NPFFR2: variants seen among roughly 807,000 people sequenced by gnomAD.
NPFFR2 encodes neuropeptide FF receptor 2, also known as G-protein coupled receptor 74.
Under a neutral mutation model 13.1 loss-of-function variants are expected in NPFFR2, and 15 were observed. That is an observed-to-expected ratio of 1.15 (90% CI 0.77 to 1.76). NPFFR2 has a LOEUF of 1.76. Among genes scored for constraint, NPFFR2 ranks in the 40% most tolerant of loss-of-function variants. The pLI, the probability that NPFFR2 is intolerant of heterozygous loss-of-function variation, is 0.00. For missense variants in NPFFR2, 572 were observed against 503.5 expected (o/e 1.14, Z -1.30); for synonymous variants, 190 against 175.7 (o/e 1.08, Z -0.65).
rs902575653 is a variant in NPFFR2, at chr4:72,096,208, G to A, written c.-7-32377G>A. Among the ~76,000 whole-genome samples, 6 of 152,018 alleles carry A rather than the reference G, an allele frequency of 3.9e-5. 1 individual carries two copies. The highest frequency in any genetic ancestry group is 6.3e-3 in the Middle Eastern group (2 of 316). On this transcript the variant is annotated intron_variant, in intron 1 of 3. Coordinates refer to ENST00000308744, the MANE Select transcript of NPFFR2 (RefSeq NM_004885.3). Reference sequence around the variant, plus strand: ...ATGGTGAAACCTTGATAAAATGAACGGTACCAGGTAAATATTGGTAATTTT... The same window carrying A: ...ATGGTGAAACCTTGATAAAATGAACAGTACCAGGTAAATATTGGTAATTTT...
At chr4:72,106,735 C>G (rs1721430042) in intron 1 of NPFFR2, among the ~76,000 whole-genome samples, 1 of 151,882 alleles carries the variant, frequency 6.6e-6, no homozygotes, top group Non-Finnish European at 1.5e-5. Flanking sequence ...AGAAAAGAAG[C>G]CAACGGGGCA....
At chr4:72,129,252 G>C (rs1364164097) in intron 2 of NPFFR2, among the ~76,000 whole-genome samples, 7 of 151,872 alleles carry the variant, frequency 4.6e-5, no homozygotes, top group Non-Finnish European at 1.0e-4. Flanking sequence ...CTACACACCT[G>C]TGGGTGTTTC....
At chr4:72,057,356 G>A (rs558244482) in intron 1 of NPFFR2, among the ~76,000 whole-genome samples, 99 of 152,052 alleles carry the variant, frequency 6.5e-4, no homozygotes, top group African/African-American at 9.6e-4. Context: ...CCAGAGGCCA[G>A]AAATCTGAAA....
chr4:72,138,419 C>CA (rs1722489623), intron 3 of NPFFR2, among the ~76,000 whole-genome samples: 1 of 151,562 alleles, frequency 6.6e-6, no homozygotes, highest in African/African-American at 2.4e-5. Context: ...CCTGCCCCCC[C>CA]ACCCAATGCA....
chr4:72,144,963 C>A (rs1722731786), intron 3 of NPFFR2, among the ~76,000 whole-genome samples: 1 of 152,190 alleles, frequency 6.6e-6, no homozygotes, highest in Non-Finnish European at 1.5e-5. Flanking sequence ...CTTCTCATAG[C>A]AGCCCAAATA....
intron 1 of NPFFR2, among the ~76,000 whole-genome samples, chr4:72,127,206 A>G (rs1180926767): frequency 6.2e-5 from 8 of 129,050 alleles, no homozygotes; most frequent in African/African-American, 2.0e-4. Context: ...CGGGAGGGTG[A>G]GGCGGGAGAA....
At chr4:72,134,452 A>G (rs1297211021) in intron 2 of NPFFR2, among the ~76,000 whole-genome samples, 1 of 152,126 alleles carries the variant, frequency 6.6e-6, no homozygotes, top group African/African-American at 2.4e-5. Flanking sequence ...CCACATCAGC[A>G]CAAACATACA....
intron 1 of NPFFR2, among the ~76,000 whole-genome samples, chr4:72,125,939 G>T (rs142507235): frequency 1.3e-5 from 2 of 152,184 alleles, no homozygotes; most frequent in Non-Finnish European, 2.9e-5. Flanking sequence ...ACCATAGGTG[G>T]TAGGAAGTTT....
In NPFFR2 at chr4:72,032,052, A is replaced by G. The variant is rs892672697; in HGVS notation, c.-156A>G. ...AGCCTGGAGCGGAAGCCTGGAGTGG[A>G]GCAGGCAGTCCGCGGGGGACAGACG... On this transcript the variant is annotated 5_prime_UTR_variant, in exon 1 of 4. Transcript: ENST00000308744. 14 of 1,613,954 alleles carry G rather than the reference A, an allele frequency of 8.7e-6. No homozygotes were observed. The highest frequency in any genetic ancestry group is 4.5e-5 in the East Asian group (2 of 44,884).
At chr4:72,037,870 A>G (rs554409383) in intron 1 of NPFFR2, among the ~76,000 whole-genome samples, 28 of 152,298 alleles carry the variant, frequency 1.8e-4, no homozygotes, top group African/African-American at 6.5e-4. Context: ...TGCTTCCCTT[A>G]ACACAGAAGT....
At chr4:72,136,498 G>A (rs192049450) in intron 2 of NPFFR2, among the ~76,000 whole-genome samples, 2 of 152,284 alleles carry the variant, frequency 1.3e-5, no homozygotes, top group East Asian at 3.9e-4. Flanking sequence ...TGCATGCCTG[G>A]AGGATAAGGT....
At position 72,147,027 on chromosome 4, in the gene NPFFR2, G is replaced by A. The variant is rs751391236; in HGVS notation, c.478G>A (p.Ala160Thr). Residue 160 changes from alanine to threonine, a missense_variant, in exon 4 of 4, where the codon GCG becomes ACG. By Grantham distance (58) the Ala-to-Thr change is moderately conservative. Transcript: ENST00000308744. ...PFKPKLTIKT[A>T]FVIIMIIWVL... Reference sequence around the variant, plus strand: ...TAAACCAAAGCTCACTATCAAGACAGCGTTTGTCATTATTATGATCATCTG... The same window carrying A: ...TAAACCAAAGCTCACTATCAAGACAACGTTTGTCATTATTATGATCATCTG... 8 of 1,613,934 alleles carry A rather than the reference G, an allele frequency of 5.0e-6. No individual in the cohort carries two copies. In the Admixed American group the frequency reaches 1.3e-4, roughly 27 times the overall value.
chr4:72,088,336 A>G (rs1240938892), intron 1 of NPFFR2, among the ~76,000 whole-genome samples: 1 of 152,000 alleles, frequency 6.6e-6, no homozygotes, highest in Non-Finnish European at 1.5e-5. Context: ...TCTCTAACAT[A>G]TTGATGAAAA....
chr4:72,090,708 G>A (rs1184737610), intron 1 of NPFFR2, among the ~76,000 whole-genome samples: 1 of 152,004 alleles, frequency 6.6e-6, no homozygotes, highest in African/African-American at 2.4e-5. Flanking sequence ...ATTCATTTAT[G>A]AGATTTAGAA....
At chr4:72,078,660 A>G (rs1195844512) in intron 1 of NPFFR2, among the ~76,000 whole-genome samples, 1 of 152,150 alleles carries the variant, frequency 6.6e-6, no homozygotes, top group Admixed American at 6.6e-5. Flanking sequence ...ATTAATGCTT[A>G]CTATATGGCT....
At chr4:72,051,078 T>C (rs926742326) in intron 1 of NPFFR2, among the ~76,000 whole-genome samples, 2 of 151,998 alleles carry the variant, frequency 1.3e-5, no homozygotes, top group African/African-American at 4.8e-5. Context: ...AACATACGTG[T>C]GCATATGTCT....
intron 1 of NPFFR2, among the ~76,000 whole-genome samples, chr4:72,094,002 G>C (rs1720983899): frequency 6.6e-6 from 1 of 152,102 alleles, no homozygotes; most frequent in East Asian, 1.9e-4. Context: ...CTGCTGTTCA[G>C]ATTCTTTTGT....
At position 72,083,221 on chromosome 4, in the gene NPFFR2, TGAATC is replaced by T. The variant is rs750215701; in HGVS notation, c.-7-45363_-7-45359del. On this transcript the variant is annotated intron_variant, in intron 1 of 3. Coordinates refer to ENST00000308744, the MANE Select transcript of NPFFR2 (RefSeq NM_004885.3). ...ACTCTATACCCATAAGTGGAATTTC[TGAATC>T]ATATGGTCATTCTATTTTTCATTTT... Among the ~76,000 whole-genome samples, 1,179 of 152,234 alleles carry T rather than the reference TGAATC, an allele frequency of 7.7e-3. 8 individuals are homozygous for T. Among genetic ancestry groups the T allele is most frequent in the African/African-American group, 0.017 (691 of 41,554 alleles).
chr4:72,036,649 C>T (rs1719047283), intron 1 of NPFFR2, among the ~76,000 whole-genome samples: 1 of 144,720 alleles, frequency 6.9e-6, no homozygotes, highest in South Asian at 2.2e-4. Context: ...AAATTATTTT[C>T]ATGATTTCCC....
Sources: gnomAD v4.1 joint callset for allele counts (sites outside exome capture counted in the v4.1 genomes callset) on GRCh38, gnomAD v4.1.1 for gene constraint, MANE v1.5 for transcripts, NCBI Gene and HGNC (gene_info 2026-07-23, HGNC 2026-07-21) for gene names.